TUSC3: variants seen among roughly 807,000 people sequenced by gnomAD.
The protein encoded by TUSC3 is dolichyl-diphosphooligosaccharide--protein glycosyltransferase subunit TUSC3.
TUSC3 carries 45 observed loss-of-function variants against 44.8 expected under a neutral mutation model. The ratio of observed to expected loss-of-function variants is 1.00; its 90% confidence interval spans 0.79 to 1.29. The LOEUF is 1.29. Ranked by LOEUF, TUSC3 falls within the 50% of genes most tolerant of loss-of-function variation. The pLI is 0.00. For missense variants in TUSC3, 519 were observed against 437.9 expected (o/e 1.19, Z -1.65); for synonymous variants, 212 against 152.9 (o/e 1.39, Z -2.85).
chr8:15,438,347 C>T (rs1424560958), intron 1 of TUSC3, among the ~76,000 whole-genome samples: 6 of 152,172 alleles, frequency 3.9e-5, no homozygotes, highest in African/African-American at 1.4e-4. Flanking sequence ...CCGCCTGCCT[C>T]GGCCCCCCAA....
intron 1 of TUSC3, among the ~76,000 whole-genome samples, chr8:15,458,453 GGTCTC>G (rs1464585194): frequency 2.6e-5 from 4 of 152,068 alleles, no homozygotes; most frequent in African/African-American, 4.8e-5. Context: ...TGCGCAGGCT[GGTCTC>G]AAACTCCTGA....
intron 1 of TUSC3, among the ~76,000 whole-genome samples, chr8:15,602,231 A>G (rs886568532): frequency 2.6e-5 from 4 of 151,696 alleles, no homozygotes; most frequent in Non-Finnish European, 5.9e-5. Context: ...CAGCCTATAT[A>G]TAGGCCTTCC....
intron 7 of TUSC3, among the ~76,000 whole-genome samples, chr8:15,742,151 C>A (rs1811224628): frequency 1.3e-5 from 2 of 152,200 alleles, no homozygotes; most frequent in South Asian, 4.2e-4. Context: ...GCAGGAATTT[C>A]ATAGAAATTT....
intron 1 of TUSC3, among the ~76,000 whole-genome samples, chr8:15,471,983 G>A (rs12675935): frequency 0.13 from 20,059 of 151,976 alleles, 1,758 homozygotes; most frequent in East Asian, 0.35. Context: ...GCTTCACCTG[G>A]TTATGTGCAC....
In TUSC3 at chr8:15,634,966, C is replaced by G. The variant is rs971046271; in HGVS notation, c.308+11717C>G. Among the ~76,000 whole-genome samples the G allele has an allele frequency of 4.5e-4, 68 of 152,162 alleles. 1 individual carries two copies. The highest frequency in any genetic ancestry group is 1.5e-4 in the Non-Finnish European group (10 of 68,018). On this transcript the variant is annotated intron_variant, in intron 2 of 10. Transcript: ENST00000503731. ...GGGCTTAGTGTGAAGTACACTCAGC[C>G]AAGTGGTCATTATCCTTATTAACTA...
chr8:15,599,067 A>G (rs1002878952), intron 1 of TUSC3, among the ~76,000 whole-genome samples: 3 of 151,866 alleles, frequency 2.0e-5, no homozygotes, highest in African/African-American at 7.2e-5. Context: ...CCAGCAATGA[A>G]TGAGAATTCC....
chr8:15,582,298 C>G (rs576733745), intron 1 of TUSC3, among the ~76,000 whole-genome samples: 3 of 152,136 alleles, frequency 2.0e-5, no homozygotes, highest in Admixed American at 2.0e-4. Context: ...AGCTGTAGAC[C>G]GGAGCTGTTC....
intron 1 of TUSC3, among the ~76,000 whole-genome samples, chr8:15,561,335 C>G (rs1174951549): frequency 6.9e-6 from 1 of 145,900 alleles, no homozygotes. Flanking sequence ...GGGTCAGGGA[C>G]CCACTTGAGG....
intron 7 of TUSC3, among the ~76,000 whole-genome samples, chr8:15,735,852 G>A (rs895124698): frequency 6.0e-5 from 9 of 150,804 alleles, no homozygotes; most frequent in Admixed American, 1.3e-4. Flanking sequence ...GGTGCACGCT[G>A]CCACACCCGG....
At chr8:15,843,968 T>C in the TUSC3 span, among the ~76,000 whole-genome samples, 1 of 152,120 alleles carries the variant, frequency 6.6e-6, no homozygotes, top group East Asian at 1.9e-4. Context: ...TATTGGGAGA[T>C]AGAAGGAAAA....
At chr8:15,681,479 C>T (rs967985838) in intron 6 of TUSC3, among the ~76,000 whole-genome samples, 2 of 151,076 alleles carry the variant, frequency 1.3e-5, no homozygotes, top group Non-Finnish European at 3.0e-5. Flanking sequence ...AATATAGTGC[C>T]GAGTATCTTT....
At chr8:15,495,497 T>C (rs1043706785) in intron 2 of TUSC3, among the ~76,000 whole-genome samples, 1 of 152,312 alleles carries the variant, frequency 6.6e-6, no homozygotes, top group East Asian at 1.9e-4. Context: ...TCTACATATG[T>C]CCTACCTCTA....
the TUSC3 span, among the ~76,000 whole-genome samples, chr8:15,778,049 A>T: frequency 6.7e-6 from 1 of 150,236 alleles, no homozygotes; most frequent in Non-Finnish European, 1.5e-5. Context: ...TCAATCAGAG[A>T]CTCTGCCTTC....
At chr8:15,480,884 C>G (rs1039247387) in intron 1 of TUSC3, among the ~76,000 whole-genome samples, 3 of 152,130 alleles carry the variant, frequency 2.0e-5, no homozygotes, top group Non-Finnish European at 4.4e-5. Context: ...ACAATTCAGT[C>G]TATGGTATGA....
chr8:15,504,129 C>T (rs141923742), intron 2 of TUSC3, among the ~76,000 whole-genome samples: 2 of 152,158 alleles, frequency 1.3e-5, no homozygotes, highest in African/African-American at 2.4e-5. Flanking sequence ...AAAAGAAAGC[C>T]ATGAATACAA....
At chr8:15,551,378 T>C (rs1238093421) in intron 1 of TUSC3, among the ~76,000 whole-genome samples, 1 of 151,770 alleles carries the variant, frequency 6.6e-6, no homozygotes, top group Non-Finnish European at 1.5e-5. Flanking sequence ...AGTTGACTCA[T>C]GATAACAGTC....
At position 15,671,571 on chromosome 8, in the gene TUSC3, G is replaced by T. The variant is rs183995935; in HGVS notation, c.709-2176G>T. The stretch of plus-strand genomic sequence containing the variant: ...TTGCCACTACTTCAGATGATTCTGT[G>T]TATTATTCCAGGTTTGAACCTGGTT... On this transcript the variant is annotated intron_variant, in intron 5 of 10. Transcript: ENST00000503731. Among the ~76,000 whole-genome samples the T allele has an allele frequency of 3.9e-5, 6 of 152,060 alleles. No individual in the cohort carries two copies. The East Asian group carries it at 9.7e-4, about 25-fold the overall frequency.
chr8:15,581,544 C>G (rs1021855139), intron 1 of TUSC3, among the ~76,000 whole-genome samples: 2 of 148,538 alleles, frequency 1.3e-5, no homozygotes, highest in Non-Finnish European at 3.0e-5. Context: ...ACAGACAGGA[C>G]CCTCAGCTGC....
the TUSC3 span, among the ~76,000 whole-genome samples, chr8:15,807,938 G>A: frequency 2.0e-5 from 3 of 152,146 alleles, no homozygotes; most frequent in African/African-American, 4.8e-5. Context: ...GGGGGACAGA[G>A]CATTTGCATC....
Sources: gnomAD v4.1 joint callset for allele counts (sites outside exome capture counted in the v4.1 genomes callset) on GRCh38, gnomAD v4.1.1 for gene constraint, MANE v1.5 for transcripts, NCBI Gene and HGNC (gene_info 2026-07-23, HGNC 2026-07-21) for gene names.